Variants in RNASE10 observed in about 807,000 individuals in gnomAD.
RNASE10 encodes the protein inactive ribonuclease-like protein 10.
Under a neutral mutation model 1.1 loss-of-function variants are expected in RNASE10, and 2 were observed. The observed-to-expected ratio is 1.82, with a 90% CI of 0.74 to 5.73. RNASE10 has a LOEUF of 5.73. RNASE10 is among the 30% of genes most tolerant of loss of function. The pLI, the probability that RNASE10 is intolerant of heterozygous loss-of-function variation, is 0.05. For missense variants in RNASE10, 276 were observed against 263.4 expected (o/e 1.05, Z -0.33); for synonymous variants, 97 against 96.2 (o/e 1.01, Z -0.05).
At chr14:20,506,761 G>T (rs866932450) in intron 1 of RNASE10, among the ~76,000 whole-genome samples, 13 of 50,118 alleles carry the variant, frequency 2.6e-4, no homozygotes, top group African/African-American at 9.7e-4. Flanking sequence ...CGGGAGGGAG[G>T]TGGGGGGGGT....
intron 1 of RNASE10, among the ~76,000 whole-genome samples, chr14:20,509,994 C>T (rs1298914250): frequency 6.6e-6 from 1 of 151,246 alleles, no homozygotes; most frequent in East Asian, 1.9e-4. Context: ...TAGTGTGTGC[C>T]TGTGATCCCA....
At chr14:20,510,585 T>A in exon 2 of RNASE10, 1 of 1,614,100 alleles carries the variant, frequency 6.2e-7, no homozygotes, top group Admixed American at 1.7e-5. Context: ...AGGAGAGTGA[T>A]CAACCGCTCA....
chr14:20,506,308 A>G (rs1260330749), intron 1 of RNASE10, among the ~76,000 whole-genome samples: 54 of 59,750 alleles, frequency 9.0e-4, no homozygotes, highest in South Asian at 1.6e-3. Flanking sequence ...TCCGGGAGGG[A>G]GGTGGGGGGG....
At chr14:20,505,385 T>C (rs1475773148), upstream of RNASE10, among the ~76,000 whole-genome samples, 1 of 82,130 alleles carries the variant, frequency 1.2e-5, no homozygotes. Context: ...ACGGTACTGC[T>C]GCCATCTCGG....
intron 1 of RNASE10, among the ~76,000 whole-genome samples, chr14:20,508,430 A>T (rs1195504343): frequency 6.6e-6 from 1 of 152,174 alleles, no homozygotes; most frequent in Non-Finnish European, 1.5e-5. Context: ...TGGGATGTGA[A>T]CCATCCCTTT....
downstream of RNASE10, chr14:20,511,245 G>A (rs1323441530): frequency 5.2e-6 from 4 of 771,460 alleles, no homozygotes; most frequent in Admixed American, 3.7e-5. Flanking sequence ...TTGCCCTATG[G>A]GTCACCCAAC....
upstream of RNASE10, among the ~76,000 whole-genome samples, chr14:20,504,687 CAAAAAAA>C (rs71112507): frequency 4.5e-5 from 2 of 44,546 alleles, no homozygotes; most frequent in Non-Finnish European, 8.2e-5. Flanking sequence ...GACTCCGTCT[CAAAAAAA>C]AAAAAAAAAA....
At chr14:20,506,784 C>T (rs1594439874) in intron 1 of RNASE10, among the ~76,000 whole-genome samples, 8 of 127,350 alleles carry the variant, frequency 6.3e-5, no homozygotes, top group Admixed American at 2.2e-4. Context: ...GCCCCCCGCC[C>T]GGCCAGCCGC....
At position 20,510,409 on chromosome 14, in the gene RNASE10, T is replaced by G. The variant is rs1201126594; in HGVS notation, c.80-58T>G. 59 of 1,559,084 alleles carry G rather than the reference T, an allele frequency of 3.8e-5. 1 individual carries two copies. In the Middle Eastern group the frequency reaches 6.9e-4, roughly 18 times the overall value. On this transcript the variant is annotated intron_variant, in intron 1 of 1. Transcript: ENST00000430083. ...TAGGGCTTAGTGAGATTACAGTCTC[T>G]ACTAGAGCCAATTTTGATCTCAAAG...
At chr14:20,506,846 C>CT (rs2139366132) in intron 1 of RNASE10, among the ~76,000 whole-genome samples, 1 of 72,902 alleles carries the variant, frequency 1.4e-5, no homozygotes, top group South Asian at 4.8e-4. Context: ...CCAGCCGCCC[C>CT]GTCCGGGAGG....
chr14:20,507,399 C>G lies in RNASE10; in HGVS notation c.79+1380C>G, dbSNP rs1320582515. ...GCGGTGCAAGATGTGCTTTGTTAAA[C>G]AGATGCTTGAAGGCAGCATGCTCGT... On this transcript the variant is annotated intron_variant, in intron 1 of 1. Transcript: ENST00000430083. Among the ~76,000 whole-genome samples the G allele has an allele frequency of 6.7e-5, 9 of 133,676 alleles. No individual in the cohort carries two copies. In the South Asian group the frequency reaches 2.0e-3, roughly 30 times the overall value. The allele number at this position is 133,676 out of a possible 152,430, so 87.7% of individuals were successfully genotyped here. A position where few individuals can be genotyped will look rare whatever the true frequency, so the allele number is the denominator to read the frequency against.
At chr14:20,510,630 T>C in exon 2 of RNASE10, 1 of 1,614,162 alleles carries the variant, frequency 6.2e-7, no homozygotes, top group Non-Finnish European at 8.5e-7. Flanking sequence ...AGGACAAAGC[T>C]GAGGCCACTG....
chr14:20,512,223 T>G (rs1166449800), downstream of RNASE10, among the ~76,000 whole-genome samples: 1 of 152,174 alleles, frequency 6.6e-6, no homozygotes. Flanking sequence ...ACAAGAAAGT[T>G]AGTGAAAGAA....
At chr14:20,507,784 G>T (rs987145752) in intron 1 of RNASE10, among the ~76,000 whole-genome samples, 6 of 150,730 alleles carry the variant, frequency 4.0e-5, no homozygotes, top group Non-Finnish European at 5.9e-5. Flanking sequence ...TCTCACTCCG[G>T]TTGCCCAGGC....
At chr14:20,506,924 C>T (rs867734547) in intron 1 of RNASE10, among the ~76,000 whole-genome samples, 1 of 136,102 alleles carries the variant, frequency 7.3e-6, no homozygotes, top group African/African-American at 3.0e-5. Flanking sequence ...CCAGCCGCCC[C>T]GTCCGGGAGG....
chr14:20,513,420 A>C (rs1882944634), downstream of RNASE10, among the ~76,000 whole-genome samples: 1 of 152,102 alleles, frequency 6.6e-6, no homozygotes, highest in Non-Finnish European at 1.5e-5. Flanking sequence ...TGCCTCATTC[A>C]CAAGACTTTC....
intron 1 of RNASE10, 74 bp from the exon 2 acceptor site, chr14:20,510,393 G>A: frequency 6.5e-7 from 1 of 1,534,296 alleles, no homozygotes; most frequent in Non-Finnish European, 8.7e-7. Flanking sequence ...GTAGGGCTTA[G>A]TGAGATTACA....
At chr14:20,506,529 G>A (rs1434494134) in intron 1 of RNASE10, among the ~76,000 whole-genome samples, 295 of 123,140 alleles carry the variant, frequency 2.4e-3, no homozygotes, top group Middle Eastern at 8.9e-3. Context: ...GCCCTATCCA[G>A]GAGGTGAGGG....
upstream of RNASE10, among the ~76,000 whole-genome samples, chr14:20,504,604 C>T (rs993914660): frequency 1.4e-5 from 2 of 139,294 alleles, no homozygotes; most frequent in Non-Finnish European, 3.0e-5. Flanking sequence ...AGGAGAATGG[C>T]GTGAACCTGG....
Sources: allele counts gnomAD v4.1 joint callset (sites outside exome capture counted in the v4.1 genomes callset), GRCh38; gene constraint gnomAD v4.1.1; transcripts MANE v1.5; gene names NCBI Gene and HGNC (gene_info 2026-07-23, HGNC 2026-07-21).